Variants in ADGRB3 observed in about 807,000 individuals in gnomAD.
ADGRB3 encodes adhesion G protein-coupled receptor B3.
ADGRB3 carries 37 observed loss-of-function variants against 193.4 expected under a neutral mutation model. The observed-to-expected ratio is 0.19, with a 90% confidence interval of 0.15 to 0.25. The LOEUF (loss-of-function observed/expected upper bound fraction) is 0.25. Ranked by LOEUF, ADGRB3 falls within the 10% of genes least tolerant of loss-of-function variation. The pLI is 1.00. For synonymous variants in ADGRB3, 690 were observed against 644.2 expected, an observed-to-expected ratio of 1.07 and a Z score of -1.08; for missense variants, 1,637 against 1,852.9, an observed-to-expected ratio of 0.88 and a Z score of 2.14.
At chr6:68,883,475 T>C (rs28594921) in intron 3 of ADGRB3, among the ~76,000 whole-genome samples, 48,123 of 152,070 alleles carry the variant, frequency 0.32, 8,237 homozygotes, top group East Asian at 0.59. Context: ...ATAAATCTTG[T>C]TGCTTCTCGC....
chr6:68,857,519 G>T (rs141664138), intron 3 of ADGRB3, among the ~76,000 whole-genome samples: 11 of 152,304 alleles, frequency 7.2e-5, no homozygotes, highest in Non-Finnish European at 1.3e-4. Context: ...ACTTGCATGG[G>T]CCCTGTAATC....
intron 3 of ADGRB3, among the ~76,000 whole-genome samples, chr6:68,868,654 C>T (rs542038564): frequency 1.2e-3 from 185 of 152,120 alleles, no homozygotes; most frequent in African/African-American, 4.3e-3. Context: ...TAAAATAATG[C>T]TATTTATAGA....
intron 15 of ADGRB3, among the ~76,000 whole-genome samples, chr6:69,050,713 T>C (rs985132863): frequency 2.0e-5 from 3 of 152,214 alleles, no homozygotes; most frequent in Non-Finnish European, 2.9e-5. Context: ...GACACTAACT[T>C]AAAATCAGGT....
At chr6:69,042,229 C>G (rs979489002) in intron 13 of ADGRB3, among the ~76,000 whole-genome samples, 1 of 152,172 alleles carries the variant, frequency 6.6e-6, no homozygotes, top group Non-Finnish European at 1.5e-5. Context: ...AATTAAACCT[C>G]TTTTCTTTAT....
At chr6:68,699,863 G>GTT (rs1293298365) in intron 3 of ADGRB3, among the ~76,000 whole-genome samples, 4 of 152,022 alleles carry the variant, frequency 2.6e-5, no homozygotes, top group Non-Finnish European at 5.9e-5. Context: ...AGAGGGAGGT[G>GTT]TAGTAAGGGA....
chr6:68,921,469 T>C lies in ADGRB3; in HGVS notation c.758-9090T>C, dbSNP rs975966472. The stretch of plus-strand genomic sequence containing the variant: ...GATGAAGAAGAGTTAACGTCTGCCC[T>C]GCCAACACTACGTGTACTGAAATAT... On this transcript the variant is annotated intron_variant, in intron 3 of 31. Transcript: ENST00000370598. Among the ~76,000 whole-genome samples, 5 of 152,326 alleles carry C rather than the reference T, an allele frequency of 3.3e-5. No homozygotes were observed. The South Asian group carries it at 1.0e-3, about 32-fold the overall frequency.
chr6:68,693,818 T>C (rs1052508694), intron 3 of ADGRB3, among the ~76,000 whole-genome samples: 6 of 151,994 alleles, frequency 3.9e-5, no homozygotes, highest in African/African-American at 1.2e-4. Flanking sequence ...TTTTAAGCGA[T>C]GGTCTTCAGT....
chr6:69,321,562 A>G (rs1421863998), intron 20 of ADGRB3, among the ~76,000 whole-genome samples: 1 of 151,770 alleles, frequency 6.6e-6, no homozygotes, highest in Non-Finnish European at 1.5e-5. Flanking sequence ...AAGGAGATTC[A>G]GGATTTGAGG....
intron 3 of ADGRB3, among the ~76,000 whole-genome samples, chr6:68,693,345 C>T (rs1204069355): frequency 6.6e-6 from 1 of 151,818 alleles, no homozygotes; most frequent in Admixed American, 6.6e-5. Context: ...AAAATGGTAG[C>T]TACTAGTGTA....
At chr6:68,910,330 C>T (rs139308532) in intron 3 of ADGRB3, among the ~76,000 whole-genome samples, 22 of 152,248 alleles carry the variant, frequency 1.4e-4, no homozygotes, top group African/African-American at 4.8e-4. Context: ...GAGTAGATTG[C>T]AAAAATGTTC....
chr6:69,069,858 G>A (rs1381424298), intron 16 of ADGRB3, among the ~76,000 whole-genome samples: 2 of 151,884 alleles, frequency 1.3e-5, no homozygotes, highest in African/African-American at 4.8e-5. Flanking sequence ...ATCTATTTGG[G>A]TAGTTATATA....
chr6:68,645,196 T>A (rs375369643), intron 3 of ADGRB3, among the ~76,000 whole-genome samples: 2 of 152,030 alleles, frequency 1.3e-5, no homozygotes, highest in African/African-American at 4.8e-5. Context: ...ATATATTGGG[T>A]TTTAAGATCA....
At chr6:69,159,408 A>G (rs1774928954) in intron 17 of ADGRB3, among the ~76,000 whole-genome samples, 1 of 152,048 alleles carries the variant, frequency 6.6e-6, no homozygotes, top group Admixed American at 6.6e-5. Context: ...AATTGATTAT[A>G]TTTATTAATT....
In ADGRB3 at chr6:69,382,878, A is replaced by C. The variant is rs762878928; in HGVS notation, c.4323A>C (p.Leu1441=). The C allele has an allele frequency of 1.1e-5, 17 of 1,609,514 alleles. No individual in the cohort carries two copies. Among genetic ancestry groups the C allele is most frequent in the Admixed American group, 1.7e-5 (1 of 59,586 alleles). The change falls in exon 31 of 32, where the codon CTA becomes CTC. Residue 1441 remains leucine (L), a synonymous_variant. Transcript: ENST00000370598. Reference sequence around the variant, plus strand: ...GGCATATGGAACTATTTCAAGAACTAAATCAGAAATTTCAAACTTTGGACA... The same window carrying C: ...GGCATATGGAACTATTTCAAGAACTCAATCAGAAATTTCAAACTTTGGACA... The part of the protein sequence containing the change: ...RKRHMELFQE[L]NQKFQTLDRF...
intron 3 of ADGRB3, among the ~76,000 whole-genome samples, chr6:68,763,931 G>C (rs1390325794): frequency 6.6e-6 from 1 of 151,970 alleles, no homozygotes; most frequent in Non-Finnish European, 1.5e-5. Flanking sequence ...AAATTAACCT[G>C]GTGTGTTGGA....
intron 3 of ADGRB3, among the ~76,000 whole-genome samples, chr6:68,870,897 G>A (rs1765437425): frequency 6.6e-6 from 1 of 152,208 alleles, no homozygotes; most frequent in African/African-American, 2.4e-5. Context: ...TAGAAGGTGA[G>A]ATGCAGAGTA....
rs527950817 is a variant in ADGRB3, at chr6:69,189,828, A to T, written c.2481-43462A>T. Among the ~76,000 whole-genome samples, 39 of 152,314 alleles carry T rather than the reference A, an allele frequency of 2.6e-4. 1 individual carries two copies. The South Asian group carries it at 3.5e-3, about 14-fold the overall frequency. On this transcript the variant is annotated intron_variant, in intron 17 of 31. Transcript: ENST00000370598. Reference sequence around the variant, plus strand: ...AAGGTCCTTTGCAGAATGTAACCGTAGTAATGTTGTATACCATTATGCCCA... The same window carrying T: ...AAGGTCCTTTGCAGAATGTAACCGTTGTAATGTTGTATACCATTATGCCCA...
At chr6:69,269,732 A>C (rs1767131871) in intron 20 of ADGRB3, among the ~76,000 whole-genome samples, 1 of 152,134 alleles carries the variant, frequency 6.6e-6, no homozygotes, top group African/African-American at 2.4e-5. Flanking sequence ...AGTGAAATTT[A>C]TTATTACCAT....
chr6:69,348,677 A>G (rs1769159888), intron 26 of ADGRB3, among the ~76,000 whole-genome samples: 1 of 151,790 alleles, frequency 6.6e-6, no homozygotes, highest in Non-Finnish European at 1.5e-5. Flanking sequence ...AAAAAGAAGA[A>G]GAGTAGGTGG....
Sources: allele counts gnomAD v4.1 joint callset (sites outside exome capture counted in the v4.1 genomes callset), GRCh38; gene constraint gnomAD v4.1.1; transcripts MANE v1.5; gene names NCBI Gene and HGNC (gene_info 2026-07-23, HGNC 2026-07-21).